PPP2R1A: variants seen among roughly 807,000 people sequenced by gnomAD.
PPP2R1A encodes serine/threonine-protein phosphatase 2A 65 kDa regulatory subunit A alpha isoform.
A neutral mutation model predicts 67.1 loss-of-function variants in PPP2R1A; 15 were observed. The ratio of observed to expected loss-of-function variants is 0.22; its 90% CI spans 0.15 to 0.34. The LOEUF is 0.34. Among genes scored for constraint, PPP2R1A ranks in the 10% least tolerant of loss-of-function variants. The probability of loss-of-function intolerance (pLI) is 1.00; values close to 1 mark genes in which losing one functional copy is unlikely to be tolerated. For synonymous variants in PPP2R1A, 337 were observed against 325.0 expected, an observed-to-expected ratio of 1.04 and a Z score of -0.40; for missense variants, 369 against 775.0, an observed-to-expected ratio of 0.48 and a Z score of 6.22.
intron 1 of PPP2R1A, among the ~76,000 whole-genome samples, chr19:52,195,538 A>G (rs532786756): frequency 6.6e-6 from 1 of 152,288 alleles, no homozygotes; most frequent in Admixed American, 6.5e-5. Flanking sequence ...AGGCCTCAAA[A>G]CTGCCCCTTG....
intron 2 of PPP2R1A, among the ~76,000 whole-genome samples, chr19:52,205,602 A>T (rs749252541): frequency 1.3e-5 from 2 of 152,202 alleles, no homozygotes; most frequent in Non-Finnish European, 2.9e-5. Flanking sequence ...GCTCTCGTTG[A>T]CCATGCTCTG....
chr19:52,192,218 C>T (rs766487355), intron 1 of PPP2R1A, among the ~76,000 whole-genome samples: 1 of 151,694 alleles, frequency 6.6e-6, no homozygotes, highest in African/African-American at 2.4e-5. Context: ...CAAGGCCCCT[C>T]TGAGGATGCA....
At chr19:52,224,427 G>A (rs527365421) in intron 13 of PPP2R1A, among the ~76,000 whole-genome samples, 10 of 152,296 alleles carry the variant, frequency 6.6e-5, no homozygotes, top group East Asian at 3.9e-4. Context: ...CCCCTCTTAC[G>A]TACCAGTTTG....
Position 52,226,026 on chromosome 19 carries a change from AC to A in PPP2R1A, c.*50del. ...ACTGGCCTCTGGTGTCCACCCTCCAACCCCCACAAGTCCCTCTTTGGGGAGA... is the reference window on the plus strand; with the variant it reads ...ACTGGCCTCTGGTGTCCACCCTCCAACCCCACAAGTCCCTCTTTGGGGAGA... On this transcript the variant is annotated 3_prime_UTR_variant, in exon 15 of 15. Coordinates refer to ENST00000322088, the MANE Select transcript of PPP2R1A (RefSeq NM_014225.6). 6.2e-7 allele frequency: 1 copy of A among 1,613,846 alleles called. No homozygotes were observed. The highest frequency in any genetic ancestry group is 1.1e-5 in the South Asian group (1 of 91,064).
At chr19:52,220,064 TCAGA>T in intron 10 of PPP2R1A, 121 bp from the exon 11 acceptor site, 1 of 1,266,364 alleles carries the variant, frequency 7.9e-7, no homozygotes, top group East Asian at 2.3e-5. Context: ...AAGGAGCACC[TCAGA>T]CAAAGTTGAG....
At chr19:52,221,252 A>C in intron 12 of PPP2R1A, 119 bp downstream of exon 12, 2 of 1,412,016 alleles carry the variant, frequency 1.4e-6, no homozygotes, top group Non-Finnish European at 1.9e-6. Flanking sequence ...CATGGAGTGC[A>C]TCTTCTATCC....
chr19:52,194,088 CAAAAAAAAAA>C (rs915576804), intron 1 of PPP2R1A, among the ~76,000 whole-genome samples: 2 of 60,522 alleles, frequency 3.3e-5, no homozygotes, highest in African/African-American at 1.4e-4. Context: ...ACCCTGTCTC[CAAAAAAAAAA>C]AAAAAAAAAA....
rs542005953 is a variant in PPP2R1A at position 52,220,324 on chromosome 19, C to T, written c.1363+75C>T. On this transcript the variant is annotated intron_variant, in intron 11 of 14. Coordinates refer to ENST00000322088, the MANE Select transcript of PPP2R1A (RefSeq NM_014225.6). Reference sequence around the variant, plus strand: ...CAGGATGGATTGGCTGGGGCTGTGGCGGGCAGTGGAGGAGGCTAGAGTCAC... The same window carrying T: ...CAGGATGGATTGGCTGGGGCTGTGGTGGGCAGTGGAGGAGGCTAGAGTCAC... The T allele has an allele frequency of 1.1e-5, 17 of 1,523,042 alleles. No homozygotes were observed. The East Asian group carries it at 1.6e-4, about 14-fold the overall frequency. The allele number at this position is 1,523,042 out of a possible 1,614,324, so 94.3% of individuals were successfully genotyped here.
intron 13 of PPP2R1A, among the ~76,000 whole-genome samples, chr19:52,224,574 A>T (rs1373650542): frequency 6.6e-6 from 1 of 152,114 alleles, no homozygotes; most frequent in East Asian, 1.9e-4. Context: ...GGCCTCAGAG[A>T]CTTGGGGGTT....
chr19:52,222,087 A>G lies in PPP2R1A; in HGVS notation c.1519-12A>G. The G allele has an allele frequency of 1.2e-6, 2 of 1,602,384 alleles. No individual in the cohort carries two copies. Among genetic ancestry groups the G allele is most frequent in the Non-Finnish European group, 1.7e-6 (2 of 1,174,344 alleles). On this transcript the variant is annotated splice_polypyrimidine_tract_variant and intron_variant, in intron 12 of 14. Transcript: ENST00000322088. ...CTTTGCATACTCACCCCTGCCACTCACTGGCCCCCAGGTGCTGTCTGAGGT... is the reference window on the plus strand; with the variant it reads ...CTTTGCATACTCACCCCTGCCACTCGCTGGCCCCCAGGTGCTGTCTGAGGT...
chr19:52,218,007 T>C (rs1348438973), intron 9 of PPP2R1A, among the ~76,000 whole-genome samples: 1 of 152,140 alleles, frequency 6.6e-6, no homozygotes, highest in East Asian at 1.9e-4. Context: ...TGTGGGAGTC[T>C]GGAAGGCTGA....
In PPP2R1A at chr19:52,219,681, C is replaced by T. The variant is rs376294458; in HGVS notation, c.1129-10C>T. 1.3e-5 allele frequency: 21 copies of T among 1,602,938 alleles called. No homozygotes were observed. The East Asian group carries it at 4.5e-4, about 34-fold the overall frequency. ...TGCATTCTCTCAGAATCCTTCTTTC[C>T]TCTCCTCAGTGCCCTGAGGTACGGC... is the stretch of plus-strand genomic sequence containing the variant. On this transcript the variant is annotated splice_polypyrimidine_tract_variant and intron_variant, in intron 9 of 14. Coordinates refer to ENST00000322088, the MANE Select transcript of PPP2R1A (RefSeq NM_014225.6). The surrounding 1 kb of genome is among the most constrained non-coding windows in gnomAD (Gnocchi z 4.0).
chr19:52,210,218 T>C (rs548697816), intron 3 of PPP2R1A, among the ~76,000 whole-genome samples: 1 of 152,190 alleles, frequency 6.6e-6, no homozygotes, highest in East Asian at 1.9e-4. Context: ...TAATTAAGAG[T>C]TCCTGTCTTG....
intron 13 of PPP2R1A, among the ~76,000 whole-genome samples, chr19:52,223,317 A>G (rs1005288980): frequency 7.9e-5 from 12 of 152,264 alleles, no homozygotes; most frequent in African/African-American, 2.4e-4. Flanking sequence ...AAGAAAATGT[A>G]GGAAAATATC....
intron 1 of PPP2R1A, among the ~76,000 whole-genome samples, chr19:52,197,210 G>A (rs1214660322): frequency 6.6e-6 from 1 of 152,140 alleles, no homozygotes; most frequent in African/African-American, 2.4e-5. Context: ...ATCATAGGTA[G>A]CGTTAGCAAA....
chr19:52,197,688 G>A (rs1010732213), intron 1 of PPP2R1A, among the ~76,000 whole-genome samples: 1 of 152,008 alleles, frequency 6.6e-6, no homozygotes, highest in African/African-American at 2.4e-5. Flanking sequence ...ACAACAACAA[G>A]CACAACAAAA....
chr19:52,219,554 G>A lies in PPP2R1A; in HGVS notation c.1129-137G>A. On this transcript the variant is annotated intron_variant, in intron 9 of 14. Transcript: ENST00000322088. This position sits in a 1 kb window ranked among gnomAD's most constrained non-coding sequence, Gnocchi z 4.0. ...TTTGTGTGCCGTTAATGTGTTCCCAGAACGGGGAGCTGGGCTTGGACAGGA... is the reference window on the plus strand; with the variant it reads ...TTTGTGTGCCGTTAATGTGTTCCCAAAACGGGGAGCTGGGCTTGGACAGGA... The A allele has an allele frequency of 2.4e-6, 2 of 843,866 alleles. No individual in the cohort carries two copies. Among genetic ancestry groups the A allele is most frequent in the Non-Finnish European group, 3.5e-6 (2 of 567,268 alleles). 52.3% of individuals were successfully genotyped at this position (843,866 alleles called of 1,614,324 possible).
intron 3 of PPP2R1A, among the ~76,000 whole-genome samples, chr19:52,206,625 A>G (rs1223653389): frequency 1.3e-5 from 2 of 152,108 alleles, no homozygotes; most frequent in Non-Finnish European, 2.9e-5. Flanking sequence ...TTGTATGACT[A>G]GTAGATGGCA....
rs2093171284 is a variant in PPP2R1A, at chr19:52,215,988, C to T, written c.923-16C>T. The T allele has an allele frequency of 1.9e-6, 3 of 1,613,364 alleles. No individual in the cohort carries two copies. The highest frequency in any genetic ancestry group is 2.5e-6 in the Non-Finnish European group (3 of 1,179,270). On this transcript the variant is annotated splice_polypyrimidine_tract_variant and intron_variant, in intron 7 of 14. Coordinates refer to ENST00000322088, the MANE Select transcript of PPP2R1A (RefSeq NM_014225.6). Reference sequence around the variant, plus strand: ...TCAGGTCTCACTTCCCTTTGCCTCCCTCTCCCTGCCCACAGAGTTCTGTGA... The same window carrying T: ...TCAGGTCTCACTTCCCTTTGCCTCCTTCTCCCTGCCCACAGAGTTCTGTGA...
Sources: gnomAD v4.1 joint callset for allele counts (sites outside exome capture counted in the v4.1 genomes callset) on GRCh38, gnomAD v4.1.1 for gene constraint, Gnocchi (gnomAD v3.1) non-coding constraint, MANE v1.5 for transcripts, NCBI Gene and HGNC (gene_info 2026-07-23, HGNC 2026-07-21) for gene names.